The following FSTL5 variants were observed in gnomAD, a reference collection of about 807,000 sequenced individuals.
FSTL5 encodes the protein follistatin like 5.
A neutral mutation model predicts 89.1 loss-of-function variants in FSTL5; 62 were observed. That is an observed-to-expected ratio of 0.70 (90% CI 0.57 to 0.86). FSTL5 has a LOEUF of 0.86. Among genes scored for constraint, FSTL5 ranks in the 40% least tolerant of loss-of-function variants. The pLI, the probability that FSTL5 is intolerant of heterozygous loss-of-function variation, is 0.00. For missense variants in FSTL5, 1,057 were observed against 1,001.6 expected, an observed-to-expected ratio of 1.06 and a Z score of -0.75; for synonymous variants, 383 against 346.2, an observed-to-expected ratio of 1.11 and a Z score of -1.18.
At chr4:161,855,245 T>A (rs1731686755) in intron 4 of FSTL5, among the ~76,000 whole-genome samples, 1 of 152,074 alleles carries the variant, frequency 6.6e-6, no homozygotes, top group Admixed American at 6.6e-5. Context: ...CATAGGGCAA[T>A]ACTGCCATAA....
At chr4:162,023,282 T>C (rs1418970606) in intron 3 of FSTL5, among the ~76,000 whole-genome samples, 2 of 152,168 alleles carry the variant, frequency 1.3e-5, no homozygotes, top group Non-Finnish European at 2.9e-5. Flanking sequence ...CTGAAAACAA[T>C]GGCATATAGT....
intron 2 of FSTL5, among the ~76,000 whole-genome samples, chr4:162,077,022 T>C (rs1311476391): frequency 6.6e-6 from 1 of 151,852 alleles, no homozygotes; most frequent in Non-Finnish European, 1.5e-5. Flanking sequence ...TAGAATCAGC[T>C]GCATATACTT....
chr4:161,739,831 C>T (rs539483971), intron 6 of FSTL5, among the ~76,000 whole-genome samples: 2 of 141,706 alleles, frequency 1.4e-5, no homozygotes, highest in Non-Finnish European at 3.1e-5. Context: ...TAAAACTGGG[C>T]ATAATTGGAC....
rs1183971036 is a variant in FSTL5 at position 162,061,829 on chromosome 4, G to A, written c.127-28171C>T. On this transcript the variant is annotated intron_variant, in intron 2 of 15. Coordinates refer to ENST00000306100, the MANE Select transcript of FSTL5 (RefSeq NM_020116.5). ...AGTACTACTAGCATAATGAAATTGT[G>A]GTTAAATATGTAATCAATTTTCTGT... is the stretch of plus-strand genomic sequence containing the variant. 5.9e-5 allele frequency among the ~76,000 whole-genome samples: 9 copies of A among 151,962 alleles called. 1 individual carries two copies. The South Asian group carries it at 6.2e-4, about 11-fold the overall frequency.
At chr4:161,728,618 C>T (rs1739502412) in intron 6 of FSTL5, among the ~76,000 whole-genome samples, 1 of 151,902 alleles carries the variant, frequency 6.6e-6, no homozygotes, top group Admixed American at 6.6e-5. Flanking sequence ...AGAAGATAAT[C>T]AATATTCAAC....
intron 8 of FSTL5, among the ~76,000 whole-genome samples, chr4:161,556,677 A>G (rs1367392711): frequency 6.6e-6 from 1 of 151,454 alleles, no homozygotes; most frequent in South Asian, 2.1e-4. Context: ...GATGATAAAA[A>G]TTACTAATAT....
chr4:162,059,274 C>T (rs1738647953), intron 2 of FSTL5, among the ~76,000 whole-genome samples: 1 of 152,010 alleles, frequency 6.6e-6, no homozygotes, highest in Non-Finnish European at 1.5e-5. Context: ...TTTCTCATAC[C>T]AATTGATAGT....
intron 7 of FSTL5, among the ~76,000 whole-genome samples, chr4:161,629,592 G>A (rs946060638): frequency 2.0e-5 from 3 of 152,038 alleles, no homozygotes; most frequent in South Asian, 2.1e-4. Flanking sequence ...TAATCCACCC[G>A]CCTCGGCCTC....
At chr4:161,825,729 T>C (rs969896333) in intron 4 of FSTL5, among the ~76,000 whole-genome samples, 1 of 152,170 alleles carries the variant, frequency 6.6e-6, no homozygotes, top group Non-Finnish European at 1.5e-5. Context: ...GTATCTGTTT[T>C]AATATCACTT....
chr4:162,012,428 T>C (rs544940179), intron 3 of FSTL5, among the ~76,000 whole-genome samples: 2 of 152,318 alleles, frequency 1.3e-5, no homozygotes, highest in East Asian at 3.9e-4. Context: ...TGTAAATTAT[T>C]CAAGTAAACA....
At chr4:161,866,501 T>TGTGC (rs1553973519) in intron 4 of FSTL5, among the ~76,000 whole-genome samples, 10 of 150,172 alleles carry the variant, frequency 6.7e-5, no homozygotes, top group African/African-American at 2.4e-4. Flanking sequence ...TGTGTGTGTG[T>TGTGC]GTGTGTGGTT....
At position 161,897,602 on chromosome 4, in the gene FSTL5, A is replaced by T. The variant is rs866887256; in HGVS notation, c.409+22802T>A. On this transcript the variant is annotated intron_variant, in intron 4 of 15. Transcript: ENST00000306100. The stretch of plus-strand genomic sequence containing the variant: ...AAAAAAAAAAAAAAAAAAGAAAAAA[A>T]ATATATATATGCAGATAATTCAGAG... Among the ~76,000 whole-genome samples, 94 of 151,454 alleles carry T rather than the reference A, an allele frequency of 6.2e-4. No individual in the cohort carries two copies. The East Asian group carries it at 7.8e-3, about 13-fold the overall frequency.
intron 15 of FSTL5, among the ~76,000 whole-genome samples, chr4:161,396,148 C>T (rs530508150): frequency 4.8e-4 from 73 of 151,346 alleles, no homozygotes; most frequent in Admixed American, 4.3e-3. Context: ...GCGAGAGAAG[C>T]CCACCCATCC....
intron 5 of FSTL5, among the ~76,000 whole-genome samples, chr4:161,769,939 T>A (rs549742841): frequency 3.3e-5 from 5 of 151,340 alleles, no homozygotes; most frequent in African/African-American, 4.8e-5. Context: ...CTATTCACAA[T>A]AGCCAAGATT....
chr4:162,061,717 C>T (rs1236396088), intron 2 of FSTL5, among the ~76,000 whole-genome samples: 1 of 151,998 alleles, frequency 6.6e-6, no homozygotes, highest in Admixed American at 6.6e-5. Context: ...ACACAGGGTC[C>T]CATGCAAATG....
chr4:161,970,193 ATGAGGACC>A (rs1735442663), intron 3 of FSTL5, among the ~76,000 whole-genome samples: 1 of 152,156 alleles, frequency 6.6e-6, no homozygotes, highest in Admixed American at 6.6e-5. Flanking sequence ...GATGAAGGTA[ATGAGGACC>A]TGAGGTAAGA....
intron 4 of FSTL5, among the ~76,000 whole-genome samples, chr4:161,812,443 A>G (rs535639465): frequency 2.0e-5 from 3 of 152,092 alleles, no homozygotes; most frequent in Non-Finnish European, 4.4e-5. Context: ...CATCTCTGCC[A>G]TTGTTCAGTT....
chr4:161,686,327 TATATATATATATATATA>T (rs1180906990), intron 6 of FSTL5, among the ~76,000 whole-genome samples: 12 of 8,168 alleles, frequency 1.5e-3, no homozygotes, highest in East Asian at 4.5e-3. Context: ...TATATATATA[TATATATATATATATATA>T]TATTTTTTTT....
intron 8 of FSTL5, among the ~76,000 whole-genome samples, chr4:161,560,154 G>C (rs1045877629): frequency 6.6e-6 from 1 of 151,652 alleles, no homozygotes; most frequent in Admixed American, 6.6e-5. Context: ...CCAAAAGATT[G>C]GACACCCCTG....
Sources: allele counts gnomAD v4.1 joint callset (sites outside exome capture counted in the v4.1 genomes callset), GRCh38; gene constraint gnomAD v4.1.1; transcripts MANE v1.5; gene names NCBI Gene and HGNC (gene_info 2026-07-23, HGNC 2026-07-21).